Variants in ZFYVE28 observed in about 807,000 individuals in gnomAD.
ZFYVE28 encodes the protein lateral signaling target protein 2 homolog.
ZFYVE28 carries 40 observed loss-of-function variants against 82.1 expected under a neutral mutation model. That is an observed-to-expected ratio of 0.49 (90% confidence interval 0.38 to 0.63). The LOEUF is 0.63. Ranked by LOEUF, ZFYVE28 falls within the 30% of genes least tolerant of loss-of-function variation. The pLI is 0.00. For synonymous variants in ZFYVE28, 612 were observed against 546.1 expected (o/e 1.12, Z -1.68); for missense variants, 1,321 against 1,242.1 (o/e 1.06, Z -0.96).
rs1246734825 is a variant in ZFYVE28, at chr4:2,335,278, C to A, written c.701+427G>T. On this transcript the variant is annotated intron_variant, in intron 6 of 12. Coordinates refer to ENST00000290974, the MANE Select transcript of ZFYVE28 (RefSeq NM_020972.3). This position sits in a 1 kb window ranked among gnomAD's most constrained non-coding sequence, Gnocchi z 5.8. ...CCCCAAATTATTCAAACAAGCCAAT[C>A]ACAGCCTCCTGAGGGACCCGGGGGG... Among the ~76,000 whole-genome samples the A allele has an allele frequency of 6.6e-6, 1 of 152,142 alleles. No homozygotes were observed. The highest frequency in any genetic ancestry group is 1.9e-4 in the East Asian group (1 of 5,166).
chr4:2,350,674 C>T (rs1459229504), intron 2 of ZFYVE28, among the ~76,000 whole-genome samples: 1 of 152,158 alleles, frequency 6.6e-6, no homozygotes, highest in African/African-American at 2.4e-5. Flanking sequence ...TTTCAGCCCC[C>T]ACCCCCAACC....
At chr4:2,378,406 T>C (rs116085303) in intron 1 of ZFYVE28, among the ~76,000 whole-genome samples, 2,615 of 152,352 alleles carry the variant, frequency 0.017, 30 homozygotes, top group Middle Eastern at 0.034. Flanking sequence ...GCCTGTCACA[T>C]GGCCCATGAC....
At chr4:2,281,633 C>T (rs1483649947) in intron 8 of ZFYVE28, among the ~76,000 whole-genome samples, 1 of 152,220 alleles carries the variant, frequency 6.6e-6, no homozygotes, top group African/African-American at 2.4e-5. Context: ...ACCTCATCAC[C>T]TCTTTAAGGT....
intron 10 of ZFYVE28, among the ~76,000 whole-genome samples, chr4:2,272,389 G>A (rs368810428): frequency 5.1e-4 from 77 of 152,326 alleles, no homozygotes; most frequent in African/African-American, 1.8e-3. Context: ...GTGGCGAGTA[G>A]GGGCTTAGTC....
chr4:2,380,790 T>C (rs983490340), intron 1 of ZFYVE28, among the ~76,000 whole-genome samples: 6 of 152,220 alleles, frequency 3.9e-5, no homozygotes, highest in African/African-American at 1.2e-4. Flanking sequence ...GCCACTGCCA[T>C]GTAAGAAGTG....
intron 1 of ZFYVE28, among the ~76,000 whole-genome samples, chr4:2,366,477 C>T (rs530728162): frequency 6.6e-6 from 1 of 152,320 alleles, no homozygotes; most frequent in South Asian, 2.1e-4. Flanking sequence ...AAGCAGCACC[C>T]GTCTCCCGGC....
Position 2,337,434 on chromosome 4 carries a change from A to G in ZFYVE28, c.584T>C (p.Ile195Thr). ...CTCCACCGTCTCGCAGAAGAGCACG[A>G]TGACCTCCTGCTGCACGTAGTACTC... ...PREYYVQQEV[I>T]VLFCETVERA... Residue 195 changes from isoleucine (I) to threonine (T), a missense_variant, in exon 5 of 13, where the codon ATC becomes ACC. By Grantham distance (89) the Ile-to-Thr change is moderately conservative (BLOSUM62 -1). Transcript: ENST00000290974. The G allele has an allele frequency of 6.2e-7, 1 of 1,610,106 alleles. No individual in the cohort carries two copies. The highest frequency in any genetic ancestry group is 1.3e-5 in the African/African-American group (1 of 74,934).
At chr4:2,364,403 C>T (rs1726584233) in intron 1 of ZFYVE28, 1 of 979,512 alleles carries the variant, frequency 1.0e-6, no homozygotes, top group African/African-American at 1.7e-5. Flanking sequence ...GGGCACAGCC[C>T]CCCACCTCTC....
At chr4:2,415,969 G>A (rs968740593) in intron 1 of ZFYVE28, among the ~76,000 whole-genome samples, 1 of 152,206 alleles carries the variant, frequency 6.6e-6, no homozygotes, top group Non-Finnish European at 1.5e-5. Context: ...CAAGTCCAGA[G>A]CTCTGGAGCT....
rs1733002624 is a variant in ZFYVE28, at chr4:2,416,051, T to C, written c.39+2234A>G. On this transcript the variant is annotated intron_variant, in intron 1 of 12. Coordinates refer to ENST00000290974, the MANE Select transcript of ZFYVE28 (RefSeq NM_020972.3). The surrounding 1 kb of genome is among the most constrained non-coding windows in gnomAD (Gnocchi z 4.6). ...TCCACATCAATCCTGTTCCATCCCT[T>C]CTCCGGAGGCACACAGCTCTGGGCT... Among the ~76,000 whole-genome samples the C allele has an allele frequency of 1.3e-5, 2 of 152,022 alleles. No homozygotes were observed. Among genetic ancestry groups the C allele is most frequent in the African/African-American group, 4.8e-5 (2 of 41,366 alleles).
chr4:2,330,804 G>A (rs1720559171), intron 6 of ZFYVE28: 5 of 1,532,138 alleles, frequency 3.3e-6, no homozygotes, highest in Non-Finnish European at 4.4e-6. Flanking sequence ...CCTGAGCGAA[G>A]GGGACAGCAT....
intron 1 of ZFYVE28, among the ~76,000 whole-genome samples, chr4:2,411,761 G>A (rs1321552679): frequency 6.6e-6 from 1 of 152,206 alleles, no homozygotes; most frequent in Admixed American, 6.5e-5. Context: ...ACACCTCAGT[G>A]CCTTAACGGA....
At chr4:2,313,007 C>G (rs1166935008) in intron 7 of ZFYVE28, among the ~76,000 whole-genome samples, 2 of 152,026 alleles carry the variant, frequency 1.3e-5, no homozygotes, top group Non-Finnish European at 2.9e-5. Flanking sequence ...ATCATGCGAA[C>G]TGCACTCCAG....
chr4:2,399,028 G>GC (rs60820488), intron 1 of ZFYVE28, among the ~76,000 whole-genome samples: 12 of 74,240 alleles, frequency 1.6e-4, no homozygotes, highest in Admixed American at 5.4e-4. Flanking sequence ...TAGGGCACAA[G>GC]GTGGGGTGAG....
At chr4:2,298,742 G>A (rs368073842) in intron 8 of ZFYVE28, among the ~76,000 whole-genome samples, 1 of 152,200 alleles carries the variant, frequency 6.6e-6, no homozygotes. Context: ...CCCGTGGGAC[G>A]GACAGTGACA....
chr4:2,339,399 C>T lies in ZFYVE28; in HGVS notation c.521+54G>A, dbSNP rs1360730752. ...TATCAGGGTGAGCCCCGGAAGCTGG[C>T]ACAACCGTCCCCCAGCTCATACAGC... On this transcript the variant is annotated intron_variant, in intron 4 of 12. Coordinates refer to ENST00000290974, the MANE Select transcript of ZFYVE28 (RefSeq NM_020972.3). This position sits in a 1 kb window ranked among gnomAD's most constrained non-coding sequence, Gnocchi z 5.0. 15 of 1,569,342 alleles carry T rather than the reference C, an allele frequency of 9.6e-6. No individual in the cohort carries two copies. Among genetic ancestry groups the T allele is most frequent in the Non-Finnish European group, 1.3e-5 (15 of 1,153,568 alleles).
chr4:2,285,561 G>A (rs1163125505), intron 8 of ZFYVE28: 1 of 152,334 alleles, frequency 6.6e-6, no homozygotes, highest in African/African-American at 2.4e-5. Flanking sequence ...TGGTTTTCCT[G>A]TGTGACTCGC....
At chr4:2,366,557 C>G (rs566851249) in intron 1 of ZFYVE28, among the ~76,000 whole-genome samples, 3 of 152,388 alleles carry the variant, frequency 2.0e-5, no homozygotes, top group Non-Finnish European at 2.9e-5. Context: ...GAAGAGCTGG[C>G]AGCCTTCCCC....
At chr4:2,393,570 A>T (rs959770) in intron 1 of ZFYVE28, among the ~76,000 whole-genome samples, 8 of 152,226 alleles carry the variant, frequency 5.3e-5, no homozygotes, top group African/African-American at 1.9e-4. Context: ...GGCCCCTTCC[A>T]AAAGCTAGGT....
Sources: allele counts gnomAD v4.1 joint callset (sites outside exome capture counted in the v4.1 genomes callset), GRCh38; gene constraint gnomAD v4.1.1; non-coding constraint Gnocchi (gnomAD v3.1); transcripts MANE v1.5; gene names NCBI Gene and HGNC (gene_info 2026-07-23, HGNC 2026-07-21).